SH2D3C: variants seen among roughly 807,000 people sequenced by gnomAD.
The protein encoded by SH2D3C is SH2 domain-containing protein 3C.
Under a neutral mutation model 75.2 loss-of-function variants are expected in SH2D3C, and 25 were observed. That is an observed-to-expected ratio of 0.33 (90% CI 0.24 to 0.46). The LOEUF (loss-of-function observed/expected upper bound fraction) is 0.46. SH2D3C is among the 20% of genes least tolerant of loss of function. The pLI is 1.00. For missense variants in SH2D3C, 933 were observed against 1,165.3 expected (o/e 0.80, Z 2.90); for synonymous variants, 450 against 473.7 (o/e 0.95, Z 0.65).
At chr9:127,740,407 G>A (rs1844819755) in intron 9 of SH2D3C, 38 bp from the exon 10 acceptor site, 2 of 1,459,200 alleles carry the variant, frequency 1.4e-6, no homozygotes, top group Non-Finnish European at 1.9e-6. Context: ...GCCAGGCAGA[G>A]GGCCTGCAGG....
At chr9:127,753,395 G>A (rs575003358) in intron 3 of SH2D3C, among the ~76,000 whole-genome samples, 1 of 152,304 alleles carries the variant, frequency 6.6e-6, no homozygotes, top group South Asian at 2.1e-4. Flanking sequence ...GGCAGGAGCA[G>A]CTTGGTGGTG....
At position 127,738,610 on chromosome 9, in the gene SH2D3C, G is replaced by T; in HGVS notation, c.*136C>A. The T allele has an allele frequency of 1.1e-6, 1 of 914,752 alleles. No homozygotes were observed. The highest frequency in any genetic ancestry group is 1.6e-6 in the Non-Finnish European group (1 of 635,202). 56.7% of individuals were successfully genotyped at this position (914,752 alleles called of 1,614,324 possible). A position where few individuals can be genotyped will look rare whatever the true frequency, so the allele number is the denominator to read the frequency against. On this transcript the variant is annotated 3_prime_UTR_variant, in exon 12 of 12. Transcript: ENST00000314830. This position sits in a 1 kb window ranked among gnomAD's most constrained non-coding sequence, Gnocchi z 5.0. The stretch of plus-strand genomic sequence containing the variant: ...CCAGAGTCCACGCAGGACCCTGGAG[G>T]TGCAAGGGAGATGCTTGAGTTGAAC...
Position 127,742,924 on chromosome 9 carries a change from A to C in SH2D3C, c.1841T>G (p.Leu614Arg). 1.2e-6 allele frequency: 2 copies of C among 1,613,970 alleles called. No individual in the cohort carries two copies. The highest frequency in any genetic ancestry group is 1.7e-6 in the Non-Finnish European group (2 of 1,179,928). The change falls in exon 8 of 12, where the codon CTA becomes CGA. Residue 614 changes from leucine to arginine, a missense_variant. Coordinates refer to ENST00000314830, the MANE Select transcript of SH2D3C (RefSeq NM_170600.3). ...TTCCATGCCCCAGCGGACTCCCATT[A>C]GGGTCTGCATCTCCTTGGTAACGCC... ...ILGVTKEMQT[L>R]MGVRWGMELL...
chr9:127,753,948 C>A (rs1845277504), intron 3 of SH2D3C, among the ~76,000 whole-genome samples: 2 of 152,212 alleles, frequency 1.3e-5, no homozygotes, highest in African/African-American at 4.8e-5. Flanking sequence ...CAGCCTCATC[C>A]GTTAAAGGGG....
At chr9:127,778,478 AAG>A in intron 1 of SH2D3C, 111 bp downstream of exon 1, 5 of 924,102 alleles carry the variant, frequency 5.4e-6, no homozygotes, top group Middle Eastern at 2.2e-4. Context: ...AAAAAAGAAA[AAG>A]AGTGAGAGAG....
intron 9 of SH2D3C, 96 bp from the exon 10 acceptor site, chr9:127,740,465 ATTAT>A (rs1195635488): frequency 1.3e-6 from 1 of 757,924 alleles, no homozygotes; most frequent in Non-Finnish European, 2.3e-6. Context: ...TGGGATCGTT[ATTAT>A]TATTATGGCC....
chr9:127,757,602 AGAT>A (rs140510163), intron 3 of SH2D3C, among the ~76,000 whole-genome samples: 10,608 of 137,980 alleles, frequency 0.077, 561 homozygotes, highest in Middle Eastern at 0.12. Flanking sequence ...CACCATACCC[AGAT>A]GATGATGATG....
Position 127,738,882 on chromosome 9 carries a change from G to A in SH2D3C, c.2447C>T (p.Thr816Met), listed in dbSNP as rs762092671. Residue 816 changes from threonine (T) to methionine (M), a missense_variant, in exon 12 of 12, where the codon ACG becomes ATG. By Grantham distance (81) the Thr-to-Met change is moderately conservative (BLOSUM62 -1). Coordinates refer to ENST00000314830, the MANE Select transcript of SH2D3C (RefSeq NM_170600.3). The surrounding 1 kb of genome is among the most constrained non-coding windows in gnomAD (Gnocchi z 5.0). ...CCAGAGAAGGCGCATCTGGAACTCC[G>A]TGCTGAACACCTCCAGGAGCTCCGG... is the stretch of plus-strand genomic sequence containing the variant. The part of the protein sequence containing the change: ...ARPELLEVFS[T>M]EFQMRLLWGS... The A allele has an allele frequency of 3.1e-6, 5 of 1,597,472 alleles. No homozygotes were observed. Among genetic ancestry groups the A allele is most frequent in the Non-Finnish European group, 4.3e-6 (5 of 1,172,040 alleles).
chr9:127,750,709 T>C (rs1254920578), intron 4 of SH2D3C, among the ~76,000 whole-genome samples: 2 of 152,176 alleles, frequency 1.3e-5, no homozygotes, highest in Admixed American at 6.5e-5. Flanking sequence ...ATAGCATAAA[T>C]GAAAGAAGGA....
At chr9:127,771,343 G>C in intron 2 of SH2D3C, 1 of 1,372,862 alleles carries the variant, frequency 7.3e-7, no homozygotes, top group Non-Finnish European at 9.4e-7. Flanking sequence ...GGCGGAGACT[G>C]ACCTGTAGAC....
At position 127,745,942 on chromosome 9, in the gene SH2D3C, A is replaced by G. The variant is rs553619877; in HGVS notation, c.1265-843T>C. On this transcript the variant is annotated intron_variant, in intron 6 of 11. Coordinates refer to ENST00000314830, the MANE Select transcript of SH2D3C (RefSeq NM_170600.3). ...CCTGCAAGACCCTTCTTTGTACCTC[A>G]GTCTATTTAATCCTTTCAATGTCCT... Among the ~76,000 whole-genome samples the G allele has an allele frequency of 2.6e-5, 4 of 152,288 alleles. No individual in the cohort carries two copies. In the East Asian group the frequency reaches 7.7e-4, roughly 29 times the overall value.
chr9:127,747,716 T>G (rs1280926669), intron 5 of SH2D3C, among the ~76,000 whole-genome samples: 1 of 152,070 alleles, frequency 6.6e-6, no homozygotes, highest in Non-Finnish European at 1.5e-5. Context: ...TTTTTTGTAT[T>G]TTTAGTAGAG....
Position 127,747,183 on chromosome 9 carries a change from T to C in SH2D3C, c.1228A>G (p.Ile410Val). Residue 410 changes from isoleucine to valine, a missense_variant, in exon 6 of 12, where the codon ATC (isoleucine) becomes GTC (valine). Physicochemically the swap from Ile to Val is conservative, Grantham distance 29. Transcript: ENST00000314830. The stretch of plus-strand genomic sequence containing the variant: ...GCAGGGGAGCTAGGGCTCTCGGAGA[T>C]GGGCGACATGGGTGAGTGCAGGTCT... ...IPDLHSPMSP[I>V]SESPSSPAYS... is the part of the protein sequence containing the mutation. The C allele has an allele frequency of 6.2e-7, 1 of 1,614,014 alleles. No individual in the cohort carries two copies. The highest frequency in any genetic ancestry group is 8.5e-7 in the Non-Finnish European group (1 of 1,179,998).
At chr9:127,775,373 T>C (rs1170851454) in intron 1 of SH2D3C, among the ~76,000 whole-genome samples, 1 of 152,198 alleles carries the variant, frequency 6.6e-6, no homozygotes, top group Non-Finnish European at 1.5e-5. Flanking sequence ...CTTATGCCTA[T>C]GATCCCAGCA....
At position 127,749,483 on chromosome 9, in the gene SH2D3C, G is replaced by C. The variant is rs768705294; in HGVS notation, c.867C>G (p.Ser289Arg). 6.2e-7 allele frequency: 1 copy of C among 1,614,192 alleles called. No homozygotes were observed. Among genetic ancestry groups the C allele is most frequent in the Admixed American group, 1.7e-5 (1 of 60,026 alleles). ...GCACGAGGGCGGGCACGTGGTCAAA[G>C]CTCTCCTGCTCAAACAGGTACTGGA... Reference protein sequence around the residue: ...THIQYLFEQESFDHVPALVRY... With the variant: ...THIQYLFEQERFDHVPALVRY... The change falls in exon 5 of 12, where the codon AGC (serine) becomes AGG (arginine). Residue 289 changes from serine to arginine, a missense_variant. Physicochemically the swap from Ser to Arg is moderately radical, Grantham distance 110. Coordinates refer to ENST00000314830, the MANE Select transcript of SH2D3C (RefSeq NM_170600.3). The surrounding 1 kb of genome is among the most constrained non-coding windows in gnomAD (Gnocchi z 5.9).
chr9:127,761,687 T>C lies in SH2D3C; in HGVS notation c.516-37A>G, dbSNP rs535025672. 33 of 1,589,944 alleles carry C rather than the reference T, an allele frequency of 2.1e-5. No individual in the cohort carries two copies. The African/African-American group carries it at 2.3e-4, about 11-fold the overall frequency. On this transcript the variant is annotated intron_variant, in intron 2 of 11. Coordinates refer to ENST00000314830, the MANE Select transcript of SH2D3C (RefSeq NM_170600.3). ...AAAGACAAGTGAGCATCCCCAGCCC[T>C]GCTTGGCTCCCCAGCTGCCGGTCTC... is the stretch of plus-strand genomic sequence containing the variant.
intron 3 of SH2D3C, among the ~76,000 whole-genome samples, chr9:127,756,612 A>AAGAT (rs1358739468): frequency 6.6e-6 from 1 of 151,098 alleles, no homozygotes; most frequent in African/African-American, 2.4e-5. Context: ...TGACTCCTCA[A>AAGAT]AGATGAGTAT....
In SH2D3C at chr9:127,741,951, G is replaced by C. The variant is rs753898347; in HGVS notation, c.1925C>G (p.Thr642Ser). ...LRLDLLERFH[T>S]MSIMLAVDIL... ...GTCCACGGCCAGCATGATGGACATGGTGTGGAACCTGTCAGAGCGGCGGGG... is the reference window on the plus strand; with the variant it reads ...GTCCACGGCCAGCATGATGGACATGCTGTGGAACCTGTCAGAGCGGCGGGG... Residue 642 changes from threonine (T) to serine (S), a missense_variant, in exon 9 of 12, where the codon ACC (threonine) becomes AGC (serine). Thr to Ser is a moderately conservative substitution (Grantham distance 58). Transcript: ENST00000314830. The C allele has an allele frequency of 1.9e-6, 3 of 1,611,458 alleles. No individual in the cohort carries two copies. The highest frequency in any genetic ancestry group is 2.5e-6 in the Non-Finnish European group (3 of 1,179,142).
chr9:127,775,200 T>G (rs1845792462), intron 1 of SH2D3C, among the ~76,000 whole-genome samples: 1 of 152,026 alleles, frequency 6.6e-6, no homozygotes, highest in Non-Finnish European at 1.5e-5. Flanking sequence ...ATGACGATAA[T>G]AAATGTTTCT....
Sources: gnomAD v4.1 joint callset for allele counts (sites outside exome capture counted in the v4.1 genomes callset) on GRCh38, gnomAD v4.1.1 for gene constraint, Gnocchi (gnomAD v3.1) non-coding constraint, MANE v1.5 for transcripts, NCBI Gene and HGNC (gene_info 2026-07-23, HGNC 2026-07-21) for gene names.